Variants in OPCML observed in about 807,000 individuals in gnomAD.
OPCML encodes the protein opioid-binding protein/cell adhesion molecule.
In OPCML, 13 loss-of-function variants were observed where a neutral mutation model predicts 37.8. That is an observed-to-expected ratio of 0.34 (90% confidence interval 0.22 to 0.55). The LOEUF (loss-of-function observed/expected upper bound fraction) is 0.55, where lower values mean the gene tolerates loss of function less well. Ranked by LOEUF, OPCML falls within the 20% of genes least tolerant of loss-of-function variation. OPCML has a pLI of 0.91. For missense variants in OPCML, 341 were observed against 435.6 expected, an observed-to-expected ratio of 0.78 and a Z score of 1.93; for synonymous variants, 176 against 168.8, an observed-to-expected ratio of 1.04 and a Z score of -0.33.
chr11:132,746,378 T>C (rs978078241), intron 2 of OPCML, among the ~76,000 whole-genome samples: 1 of 152,160 alleles, frequency 6.6e-6, no homozygotes, highest in African/African-American at 2.4e-5. Context: ...TCACAGGACT[T>C]ACACAAGCAT....
intron 1 of OPCML, among the ~76,000 whole-genome samples, chr11:133,509,612 A>G (rs575995326): frequency 1.6e-4 from 24 of 152,256 alleles, no homozygotes; most frequent in Non-Finnish European, 2.4e-4. Flanking sequence ...ACTCTCAATC[A>G]ACCTTCTCCC....
chr11:133,063,339 C>G (rs1332476897), intron 1 of OPCML, among the ~76,000 whole-genome samples: 1 of 152,112 alleles, frequency 6.6e-6, no homozygotes, highest in African/African-American at 2.4e-5. Flanking sequence ...ACAGACTAGA[C>G]AGCCTCCCAT....
At chr11:132,692,260 A>G (rs1056455510) in intron 2 of OPCML, among the ~76,000 whole-genome samples, 2 of 151,762 alleles carry the variant, frequency 1.3e-5, no homozygotes, top group African/African-American at 4.8e-5. Flanking sequence ...GCTGTTGTTC[A>G]CAAAGAAAGT....
intron 1 of OPCML, chr11:133,005,391 T>C (rs1252846928): frequency 4.1e-6 from 4 of 985,332 alleles, no homozygotes; most frequent in Non-Finnish European, 4.8e-6. Context: ...GATATCTGTC[T>C]ACATTAATGC....
intron 1 of OPCML, among the ~76,000 whole-genome samples, chr11:133,254,396 T>G (rs1941245588): frequency 6.6e-6 from 1 of 152,124 alleles, no homozygotes; most frequent in Non-Finnish European, 1.5e-5. Flanking sequence ...CAGGATAAGG[T>G]GACAAAAGTA....
chr11:132,878,548 C>T (rs999449216), intron 2 of OPCML, among the ~76,000 whole-genome samples: 1 of 152,180 alleles, frequency 6.6e-6, no homozygotes, highest in African/African-American at 2.4e-5. Context: ...ACCTTGCCAA[C>T]TGATCTTGGA....
At chr11:133,263,472 TA>T (rs1384287230) in intron 1 of OPCML, among the ~76,000 whole-genome samples, 1 of 152,222 alleles carries the variant, frequency 6.6e-6, no homozygotes, top group East Asian at 1.9e-4. Context: ...CTAGCAGCAG[TA>T]GGCTCTGCCC....
intron 2 of OPCML, among the ~76,000 whole-genome samples, chr11:132,788,666 C>A (rs1362786956): frequency 6.6e-6 from 1 of 152,208 alleles, no homozygotes; most frequent in African/African-American, 2.4e-5. Context: ...CTAAGGACTA[C>A]ACAGCTATTA....
At chr11:132,797,161 T>C (rs1425653934) in intron 2 of OPCML, among the ~76,000 whole-genome samples, 1 of 152,234 alleles carries the variant, frequency 6.6e-6, no homozygotes, top group Admixed American at 6.5e-5. Flanking sequence ...TTCAATGTCA[T>C]ATATAAGAAA....
At chr11:132,924,147 GTGTA>G in intron 2 of OPCML, among the ~76,000 whole-genome samples, 1 of 151,736 alleles carries the variant, frequency 6.6e-6, no homozygotes, top group East Asian at 1.9e-4. Context: ...GTGTGTGTGT[GTGTA>G]TGTGAAGAGG....
intron 2 of OPCML, among the ~76,000 whole-genome samples, chr11:132,665,709 C>A (rs1316085119): frequency 2.6e-5 from 4 of 152,182 alleles, no homozygotes; most frequent in Non-Finnish European, 5.9e-5. Flanking sequence ...GAGCTGGTTT[C>A]TTCCCAGGCT....
intron 4 of OPCML, among the ~76,000 whole-genome samples, chr11:132,444,833 G>C (rs1006875517): frequency 2.0e-5 from 3 of 152,180 alleles, no homozygotes; most frequent in Non-Finnish European, 4.4e-5. Context: ...GTGGACAGCA[G>C]TACATTGCAT....
chr11:132,924,021 C>T (rs927186350), intron 2 of OPCML, among the ~76,000 whole-genome samples: 4 of 151,782 alleles, frequency 2.6e-5, no homozygotes, highest in African/African-American at 9.7e-5. Flanking sequence ...CCTCGGCCTC[C>T]CAAAGTGCTG....
At position 132,418,282 on chromosome 11, in the gene OPCML, C is replaced by T. The variant is rs1469465948; in HGVS notation, c.*1911G>A. ...GCGATTGATGCTGCATTCTCATCCT[C>T]TCTGTGGATCAGTCCCTGCAGCACA... On this transcript the variant is annotated 3_prime_UTR_variant, in exon 8 of 8. Coordinates refer to ENST00000524381, the MANE Select transcript of OPCML (RefSeq NM_001012393.5). 6.6e-6 allele frequency: 1 copy of T among 152,224 alleles called. No individual in the cohort carries two copies. Among genetic ancestry groups the T allele is most frequent in the Non-Finnish European group, 1.5e-5 (1 of 68,048 alleles). 9.4% of individuals were successfully genotyped at this position (152,224 alleles called of 1,614,324 possible). A position where few individuals can be genotyped will look rare whatever the true frequency, so the allele number is the denominator to read the frequency against.
At chr11:132,482,339 T>C (rs1333702848) in intron 4 of OPCML, among the ~76,000 whole-genome samples, 6 of 151,264 alleles carry the variant, frequency 4.0e-5, no homozygotes, top group East Asian at 1.9e-4. Flanking sequence ...ATAAATTCCT[T>C]GACACATACA....
intron 2 of OPCML, among the ~76,000 whole-genome samples, chr11:132,846,652 C>CCAG (rs1228127126): frequency 6.6e-6 from 1 of 152,140 alleles, no homozygotes; most frequent in Non-Finnish European, 1.5e-5. Flanking sequence ...TCTTCTCCTG[C>CCAG]CCTGATAAAT....
chr11:133,062,392 G>A (rs909220866), intron 1 of OPCML, among the ~76,000 whole-genome samples: 1 of 152,228 alleles, frequency 6.6e-6, no homozygotes, highest in Admixed American at 6.5e-5. Context: ...AGCCTTTTCT[G>A]TTCAATTCTG....
At chr11:132,576,504 CTT>C (rs1029325852) in intron 3 of OPCML, among the ~76,000 whole-genome samples, 9 of 151,914 alleles carry the variant, frequency 5.9e-5, no homozygotes, top group African/African-American at 2.2e-4. Context: ...ATTTGTATCT[CTT>C]TGTTGAAATT....
Position 132,435,479 on chromosome 11 carries a change from C to T in OPCML, c.916+607G>A, listed in dbSNP as rs139559223. Among the ~76,000 whole-genome samples, 1,170 of 152,276 alleles carry T rather than the reference C, an allele frequency of 7.7e-3. 11 individuals are homozygous for T. Among genetic ancestry groups the T allele is most frequent in the African/African-American group, 0.026 (1,101 of 41,558 alleles). ...GAAATGTTGCAGAAGGATATGGATGCGGCAGTGTGGGAAAATGGAGTTAGG... is the reference window on the plus strand; with the variant it reads ...GAAATGTTGCAGAAGGATATGGATGTGGCAGTGTGGGAAAATGGAGTTAGG... On this transcript the variant is annotated intron_variant, in intron 7 of 7. Coordinates refer to ENST00000524381, the MANE Select transcript of OPCML (RefSeq NM_001012393.5).
Sources: gnomAD v4.1 joint callset for allele counts (sites outside exome capture counted in the v4.1 genomes callset) on GRCh38, gnomAD v4.1.1 for gene constraint, MANE v1.5 for transcripts, NCBI Gene and HGNC (gene_info 2026-07-23, HGNC 2026-07-21) for gene names.